The following EGFR variants were observed in gnomAD, a reference collection of about 807,000 sequenced individuals.
EGFR encodes epidermal growth factor receptor, also known as avian erythroblastic leukemia viral (v-erb-b) oncogene homolog.
A neutral mutation model predicts 143.0 loss-of-function variants in EGFR; 58 were observed. The ratio of observed to expected loss-of-function variants is 0.41; its 90% CI spans 0.33 to 0.50. The LOEUF is 0.50. Among genes scored for constraint, EGFR ranks in the 20% least tolerant of loss-of-function variants. The pLI, the probability that EGFR is intolerant of heterozygous loss-of-function variation, is 0.39. For missense variants in EGFR, 1,307 were observed against 1,579.0 expected (o/e 0.83, Z 2.92); for synonymous variants, 613 against 594.4 (o/e 1.03, Z -0.45).
Position 55,161,579 on chromosome 7 carries a change from C to G in EGFR, c.1579C>G (p.Arg527Gly), listed in dbSNP as rs768627073. Residue 527 changes from arginine to glycine, a missense_variant, in exon 13 of 28, where the codon CGG (arginine) becomes GGG (glycine). By Grantham distance (125) the Arg-to-Gly change is moderately radical (BLOSUM62 -2). Transcript: ENST00000275493. ...GGAGCCCAGGGACTGCGTCTCTTGC[C>G]GGAATGTCAGCCGAGGCAGGGAATG... ...GPEPRDCVSC[R>G]NVSRGRECVD... The G allele has an allele frequency of 6.2e-7, 1 of 1,614,276 alleles. No individual in the cohort carries two copies. The highest frequency in any genetic ancestry group is 1.1e-5 in the South Asian group (1 of 91,090).
intron 1 of EGFR, among the ~76,000 whole-genome samples, chr7:55,066,450 G>A (rs1583954150): frequency 7.7e-4 from 3 of 3,902 alleles, no homozygotes; most frequent in Admixed American, 3.1e-3. Flanking sequence ...GAATTCCTCC[G>A]GCCAGGGCTA....
At chr7:55,107,798 CCT>C (rs1464569737) in intron 1 of EGFR, among the ~76,000 whole-genome samples, 2 of 152,222 alleles carry the variant, frequency 1.3e-5, no homozygotes, top group Admixed American at 6.5e-5. Flanking sequence ...TTATCTTCCC[CCT>C]GTTCCCCCGT....
chr7:55,067,870 C>T (rs774035526), intron 1 of EGFR, among the ~76,000 whole-genome samples: 1 of 149,504 alleles, frequency 6.7e-6, no homozygotes, highest in Non-Finnish European at 1.5e-5. Flanking sequence ...GTCTGTGTGT[C>T]TCTGTGTATA....
At chr7:55,145,241 T>A (rs1470657099) in intron 3 of EGFR, among the ~76,000 whole-genome samples, 1 of 152,224 alleles carries the variant, frequency 6.6e-6, no homozygotes, top group South Asian at 2.1e-4. Flanking sequence ...TTTGGTCTGT[T>A]GTCCGAGCTG....
Position 55,210,148 on chromosome 7 carries a change from A to G in EGFR, c.*4531A>G, listed in dbSNP as rs1256739704. 6.6e-6 allele frequency: 1 copy of G among 152,234 alleles called. No homozygotes were observed. The highest frequency in any genetic ancestry group is 1.5e-5 in the Non-Finnish European group (1 of 68,048). 9.4% of individuals were successfully genotyped at this position (152,234 alleles called of 1,614,324 possible). On this transcript the variant is annotated 3_prime_UTR_variant, in exon 28 of 28. Transcript: ENST00000275493. ...TCCAGTTGCATGCCATACTCTCATC[A>G]TCTGCCAGTGTAACCCTGTACATGT...
At chr7:55,039,252 GA>G (rs1199249295) in intron 1 of EGFR, among the ~76,000 whole-genome samples, 1 of 152,210 alleles carries the variant, frequency 6.6e-6, no homozygotes, top group Non-Finnish European at 1.5e-5. Context: ...GGCTTTCTAT[GA>G]CCTGCTCCTT....
chr7:55,117,372 G>A (rs1244802411), intron 1 of EGFR, among the ~76,000 whole-genome samples: 2 of 152,190 alleles, frequency 1.3e-5, no homozygotes, highest in African/African-American at 2.4e-5. Context: ...CTACAAGGAG[G>A]GGCATTTCCC....
At chr7:55,186,123 G>A (rs891406912) in intron 20 of EGFR, among the ~76,000 whole-genome samples, 1 of 152,194 alleles carries the variant, frequency 6.6e-6, no homozygotes, top group Non-Finnish European at 1.5e-5. Context: ...TAGGTGCCAG[G>A]TCACGAAAAC....
chr7:55,075,329 C>A lies in EGFR; in HGVS notation c.88+55964C>A, dbSNP rs527972563. Among the ~76,000 whole-genome samples the A allele has an allele frequency of 1.4e-3, 206 of 152,296 alleles. 2 individuals are homozygous for A. Among genetic ancestry groups the A allele is most frequent in the African/African-American group, 4.7e-3 (197 of 41,554 alleles). ...CACTTTTCATTCACTCTGAACCCTT[C>A]TTTGTATGGAGGTCATTTTATTAAT... is the stretch of plus-strand genomic sequence containing the variant. On this transcript the variant is annotated intron_variant, in intron 1 of 27. Coordinates refer to ENST00000275493, the MANE Select transcript of EGFR (RefSeq NM_005228.5).
chr7:55,021,242 C>T (rs923328556), intron 1 of EGFR, among the ~76,000 whole-genome samples: 3 of 152,212 alleles, frequency 2.0e-5, no homozygotes, highest in African/African-American at 7.2e-5. Context: ...GTCCTGCCTG[C>T]CTGGGGTGCC....
At chr7:55,151,602 G>A (rs1276197443) in intron 5 of EGFR, among the ~76,000 whole-genome samples, 7 of 152,194 alleles carry the variant, frequency 4.6e-5, no homozygotes, top group Admixed American at 1.3e-4. Flanking sequence ...GGGGCTGGGC[G>A]CGGTGGCTCA....
chr7:55,185,014 A>G (rs1787068429), intron 20 of EGFR, among the ~76,000 whole-genome samples: 1 of 152,208 alleles, frequency 6.6e-6, no homozygotes, highest in Non-Finnish European at 1.5e-5. Context: ...TCCTGTGTTG[A>G]CTCACAAAGG....
At chr7:55,022,465 T>C (rs556674287) in intron 1 of EGFR, among the ~76,000 whole-genome samples, 1 of 152,250 alleles carries the variant, frequency 6.6e-6, no homozygotes, top group East Asian at 1.9e-4. Context: ...GGCCTGGCAA[T>C]TGGGACCTTT....
chr7:55,178,359 C>A (rs1035868618), intron 19 of EGFR, among the ~76,000 whole-genome samples: 2 of 152,166 alleles, frequency 1.3e-5, no homozygotes, highest in Non-Finnish European at 2.9e-5. Context: ...TGGAAGGGAA[C>A]GCAAAACAGA....
At chr7:55,064,212 G>T (rs1269321980) in intron 1 of EGFR, among the ~76,000 whole-genome samples, 1 of 152,160 alleles carries the variant, frequency 6.6e-6, no homozygotes, top group Non-Finnish European at 1.5e-5. Context: ...TAGGTTGTAT[G>T]TAGTATCCAC....
At chr7:55,072,119 G>A (rs940817352) in intron 1 of EGFR, among the ~76,000 whole-genome samples, 3 of 76,972 alleles carry the variant, frequency 3.9e-5, no homozygotes, top group African/African-American at 8.4e-5. Context: ...CTCTCATTTC[G>A]TATGTGACCT....
intron 2 of EGFR, 89 bp from the exon 3 acceptor site, chr7:55,143,216 G>C: frequency 7.1e-7 from 1 of 1,409,318 alleles, no homozygotes. Context: ...GTTCAACTGG[G>C]CGTCCTAGGG....
At chr7:55,167,263 G>A (rs845547) in intron 15 of EGFR, among the ~76,000 whole-genome samples, 24 of 6,482 alleles carry the variant, frequency 3.7e-3, no homozygotes, top group African/African-American at 0.015. Context: ...GGTGGTGGTG[G>A]TGATGGTGGT....
intron 10 of EGFR, 81 bp downstream of exon 10, chr7:55,156,913 C>T: frequency 6.3e-7 from 1 of 1,598,326 alleles, no homozygotes; most frequent in South Asian, 1.1e-5. Context: ...TTCCTGTTCC[C>T]TTGGAATAAA....
Sources: gnomAD v4.1 joint callset for allele counts (sites outside exome capture counted in the v4.1 genomes callset) on GRCh38, gnomAD v4.1.1 for gene constraint, MANE v1.5 for transcripts, NCBI Gene and HGNC (gene_info 2026-07-23, HGNC 2026-07-21) for gene names.